ERCC6L2: variants seen among roughly 807,000 people sequenced by gnomAD.
The protein encoded by ERCC6L2 is DNA excision repair protein ERCC-6-like 2.
In ERCC6L2, 77 loss-of-function variants were observed where a neutral mutation model predicts 132.0. The ratio of observed to expected loss-of-function variants is 0.58; its 90% confidence interval spans 0.49 to 0.71. The LOEUF is 0.71. Ranked by LOEUF, ERCC6L2 falls within the 30% of genes least tolerant of loss-of-function variation. ERCC6L2 has a pLI of 0.00. For missense variants in ERCC6L2, 1,542 were observed against 1,837.6 expected, an observed-to-expected ratio of 0.84 and a Z score of 2.94; for synonymous variants, 583 against 632.4, an observed-to-expected ratio of 0.92 and a Z score of 1.17.
rs555245067 is a variant in ERCC6L2 at position 95,922,146 on chromosome 9, T to A, written c.1300-159T>A. Among the ~76,000 whole-genome samples the A allele has an allele frequency of 7.9e-5, 12 of 152,336 alleles. No individual in the cohort carries two copies. The South Asian group carries it at 2.5e-3, about 32-fold the overall frequency. On this transcript the variant is annotated intron_variant, in intron 7 of 18. Coordinates refer to ENST00000653738, the MANE Select transcript of ERCC6L2 (RefSeq NM_020207.7). Reference sequence around the variant, plus strand: ...AAAAGTATGCTTCCACATTAGCTATTTGTGGATATTTTGTGCAATAGTTGA... The same window carrying A: ...AAAAGTATGCTTCCACATTAGCTATATGTGGATATTTTGTGCAATAGTTGA...
intron 17 of ERCC6L2, among the ~76,000 whole-genome samples, chr9:96,000,770 G>A (rs1395283183): frequency 6.6e-6 from 1 of 152,214 alleles, no homozygotes; most frequent in Non-Finnish European, 1.5e-5. Context: ...GACATAGCAA[G>A]ACCCCATGTC....
At chr9:95,893,271 G>A (rs1406148271) in intron 2 of ERCC6L2, among the ~76,000 whole-genome samples, 1 of 152,108 alleles carries the variant, frequency 6.6e-6, no homozygotes, top group Admixed American at 6.5e-5. Context: ...CAAAGGTTAA[G>A]TCAAACTTAT....
chr9:96,029,619 C>G (rs548088685), intron 19 of ERCC6L2, among the ~76,000 whole-genome samples: 1 of 151,824 alleles, frequency 6.6e-6, no homozygotes, highest in East Asian at 1.9e-4. Context: ...GCAAAGGAAA[C>G]GTGTTGATTT....
intron 18 of ERCC6L2, 119 bp downstream of exon 18, chr9:96,004,820 A>G: frequency 3.1e-6 from 2 of 644,198 alleles, no homozygotes; most frequent in Non-Finnish European, 4.6e-6. Context: ...TATTTCAGAA[A>G]AATCTGAATT....
At chr9:95,903,513 A>T (rs1054270639) in intron 3 of ERCC6L2, among the ~76,000 whole-genome samples, 2 of 151,562 alleles carry the variant, frequency 1.3e-5, no homozygotes, top group African/African-American at 4.8e-5. Context: ...TATATTTCTT[A>T]TTTACTTCTC....
intron 6 of ERCC6L2, chr9:95,918,519 G>T: frequency 2.0e-6 from 1 of 492,242 alleles, no homozygotes; most frequent in Non-Finnish European, 4.1e-6. Context: ...ATACCTACTT[G>T]CTAAAGACAA....
At chr9:95,990,652 A>G (rs551137838) in intron 17 of ERCC6L2, among the ~76,000 whole-genome samples, 1 of 152,304 alleles carries the variant, frequency 6.6e-6, no homozygotes, top group Admixed American at 6.5e-5. Context: ...GTATAGGAAC[A>G]GGAGCGAACA....
chr9:95,992,808 G>T (rs565749819), intron 17 of ERCC6L2, among the ~76,000 whole-genome samples: 1 of 152,248 alleles, frequency 6.6e-6, no homozygotes. Context: ...GTGGGTGCCT[G>T]CCAAGAAAGG....
At chr9:95,986,328 G>A (rs925289910) in intron 17 of ERCC6L2, among the ~76,000 whole-genome samples, 2 of 152,014 alleles carry the variant, frequency 1.3e-5, no homozygotes, top group Non-Finnish European at 2.9e-5. Flanking sequence ...GACACCATAG[G>A]GATTCAGGCT....
intron 4 of ERCC6L2, among the ~76,000 whole-genome samples, chr9:95,913,565 G>A (rs1223686456): frequency 6.6e-6 from 1 of 152,168 alleles, no homozygotes; most frequent in Non-Finnish European, 1.5e-5. Flanking sequence ...TTGTAAGTTA[G>A]AATGATTTTT....
At chr9:96,032,624 C>A (rs371831503) in intron 19 of ERCC6L2, among the ~76,000 whole-genome samples, 37 of 152,148 alleles carry the variant, frequency 2.4e-4, no homozygotes, top group African/African-American at 8.4e-4. Context: ...ACTCCAGAGC[C>A]ACAAAAACTC....
At chr9:95,995,672 G>T (rs1833446905) in intron 17 of ERCC6L2, among the ~76,000 whole-genome samples, 1 of 152,080 alleles carries the variant, frequency 6.6e-6, no homozygotes, top group Non-Finnish European at 1.5e-5. Flanking sequence ...AACAATATGT[G>T]CTCACTTTGT....
At chr9:95,924,369 TA>T (rs1411269575) in intron 9 of ERCC6L2, among the ~76,000 whole-genome samples, 3 of 152,132 alleles carry the variant, frequency 2.0e-5, no homozygotes, top group Non-Finnish European at 4.4e-5. Context: ...ATGTTTATAT[TA>T]ATGAGGATAT....
intron 19 of ERCC6L2, among the ~76,000 whole-genome samples, chr9:96,035,170 T>C (rs1309621331): frequency 6.6e-6 from 1 of 152,122 alleles, no homozygotes; most frequent in Non-Finnish European, 1.5e-5. Context: ...CCAAGTGGGA[T>C]TGGTGCTGAG....
chr9:95,909,072 G>T (rs1829217559), intron 4 of ERCC6L2, among the ~76,000 whole-genome samples: 1 of 152,196 alleles, frequency 6.6e-6, no homozygotes, highest in Admixed American at 6.5e-5. Context: ...AGCCCCTCAA[G>T]CCCAGCTGGA....
chr9:96,030,146 G>T (rs2133264635), intron 19 of ERCC6L2, among the ~76,000 whole-genome samples: 1 of 152,256 alleles, frequency 6.6e-6, no homozygotes, highest in South Asian at 2.1e-4. Context: ...TCGCTCCGTG[G>T]CTAGCTAGAG....
chr9:95,886,934 A>G (rs192220279), intron 2 of ERCC6L2, among the ~76,000 whole-genome samples: 22 of 152,312 alleles, frequency 1.4e-4, no homozygotes, highest in Admixed American at 1.4e-3. Context: ...TCTTTCTCCC[A>G]TGCTGGATGC....
intron 17 of ERCC6L2, among the ~76,000 whole-genome samples, chr9:95,981,032 A>T (rs143389585): frequency 5.6e-4 from 85 of 152,320 alleles, no homozygotes; most frequent in African/African-American, 1.8e-3. Flanking sequence ...CCAGTTGCAG[A>T]CGTATTGTCT....
intron 11 of ERCC6L2, among the ~76,000 whole-genome samples, chr9:95,932,805 A>T (rs1830396542): frequency 6.6e-6 from 1 of 152,198 alleles, no homozygotes; most frequent in South Asian, 2.1e-4. Context: ...TGGCAGACCT[A>T]AGGAATAAAC....
Sources: gnomAD v4.1 joint callset for allele counts (sites outside exome capture counted in the v4.1 genomes callset) on GRCh38, gnomAD v4.1.1 for gene constraint, MANE v1.5 for transcripts, NCBI Gene and HGNC (gene_info 2026-07-23, HGNC 2026-07-21) for gene names.